KYNU: variants seen among roughly 807,000 people sequenced by gnomAD.
The protein encoded by KYNU is L-kynurenine hydrolase.
KYNU carries 54 observed loss-of-function variants against 59.2 expected under a neutral mutation model. The ratio of observed to expected loss-of-function variants is 0.91; its 90% CI spans 0.73 to 1.14. The LOEUF (loss-of-function observed/expected upper bound fraction) is 1.14, where lower values mean the gene tolerates loss of function less well. Among genes scored for constraint, KYNU ranks in the 50% most tolerant of loss-of-function variants. KYNU has a pLI of 0.00. For missense variants in KYNU, 567 were observed against 554.4 expected, an observed-to-expected ratio of 1.02 and a Z score of -0.23; for synonymous variants, 177 against 192.0, an observed-to-expected ratio of 0.92 and a Z score of 0.65.
chr2:142,961,522 C>CTGA (rs1482030897), intron 8 of KYNU, among the ~76,000 whole-genome samples: 4 of 152,044 alleles, frequency 2.6e-5, no homozygotes, highest in Non-Finnish European at 5.9e-5. Flanking sequence ...TCACTTAATG[C>CTGA]TGAGTATCTA....
intron 4 of KYNU, chr2:142,947,040 AC>A: frequency 6.5e-7 from 1 of 1,546,926 alleles, no homozygotes; most frequent in Non-Finnish European, 8.7e-7. Context: ...GCTGATTCTC[AC>A]CTCACCCTTC....
intron 2 of KYNU, among the ~76,000 whole-genome samples, chr2:142,901,901 C>T (rs80181876): frequency 0.021 from 3,268 of 152,216 alleles, 65 homozygotes; most frequent in African/African-American, 0.055. Context: ...GAAGGTCCCT[C>T]GAGTGGTATA....
chr2:142,979,969 A>T (rs903213807), intron 8 of KYNU, among the ~76,000 whole-genome samples: 1 of 152,144 alleles, frequency 6.6e-6, no homozygotes, highest in Non-Finnish European at 1.5e-5. Flanking sequence ...TAGGCAGAGC[A>T]GCCCCGAGGA....
chr2:142,955,090 CT>C lies in KYNU; in HGVS notation c.435+221del, dbSNP rs1684119412. ...AAGAGCTTTAGAATAATGAACAGTT[CT>C]TGTCTGGGAAAATAAAGAATAAGAG... On this transcript the variant is annotated intron_variant, in intron 5 of 13. Coordinates refer to ENST00000264170, the MANE Select transcript of KYNU (RefSeq NM_003937.3). Among the ~76,000 whole-genome samples, 3 of 151,860 alleles carry C rather than the reference CT, an allele frequency of 2.0e-5. No individual in the cohort carries two copies. The South Asian group carries it at 6.2e-4, about 32-fold the overall frequency.
At chr2:143,002,824 G>C (rs1380328805) in intron 10 of KYNU, among the ~76,000 whole-genome samples, 1 of 152,142 alleles carries the variant, frequency 6.6e-6, no homozygotes, top group Non-Finnish European at 1.5e-5. Flanking sequence ...AACATTATGT[G>C]CATAAAATTT....
chr2:142,880,912 C>A (rs1037427277), intron 1 of KYNU, among the ~76,000 whole-genome samples: 1 of 152,198 alleles, frequency 6.6e-6, no homozygotes. Context: ...TGTTTTTGAT[C>A]TTTCCTATCC....
Position 143,029,669 on chromosome 2 carries a change from G to A in KYNU, c.945G>A (p.Lys315=), listed in dbSNP as rs918011919. Residue 315 remains lysine (K), a synonymous_variant, in exon 11 of 14, where the codon AAG becomes AAA. Transcript: ENST00000264170. The part of the protein sequence containing the change: ...WFGHELSTRF[K]MDNKLQLIPG... ...GCCATGAACTCAGCACCAGATTTAA[G>A]ATGGATAACAGTAAGTGTATTTATT... is the stretch of plus-strand genomic sequence containing the variant. 6.4e-6 allele frequency: 10 copies of A among 1,554,418 alleles called. No homozygotes were observed. Among genetic ancestry groups the A allele is most frequent in the Non-Finnish European group, 8.9e-6 (10 of 1,125,576 alleles).
intron 8 of KYNU, among the ~76,000 whole-genome samples, chr2:142,982,919 A>G (rs1322122516): frequency 1.3e-5 from 2 of 151,950 alleles, no homozygotes; most frequent in Non-Finnish European, 2.9e-5. Context: ...TGTACTCTTT[A>G]AGAGGAATGG....
At position 142,975,368 on chromosome 2, in the gene KYNU, C is replaced by G. The variant is rs193294290; in HGVS notation, c.730-9716C>G. Among the ~76,000 whole-genome samples the G allele has an allele frequency of 1.4e-4, 22 of 152,248 alleles. No homozygotes were observed. In the East Asian group the frequency reaches 4.1e-3, roughly 28 times the overall value. The stretch of plus-strand genomic sequence containing the variant: ...TTCCAGTTCCTCATCCCACTGAGAT[C>G]CCACCTCCATCACTCAATTCACCAT... On this transcript the variant is annotated intron_variant, in intron 8 of 13. Transcript: ENST00000264170.
rs1402408902 is a variant in KYNU at position 143,051,982 on chromosome 2, GC to G, written c.*9811del. The G allele has an allele frequency of 1.3e-5, 2 of 152,578 alleles. No individual in the cohort carries two copies. The highest frequency in any genetic ancestry group is 4.8e-5 in the African/African-American group (2 of 41,564). The allele number at this position is 152,578 out of a possible 1,614,324, so 9.5% of individuals were successfully genotyped here. Reference sequence around the variant, plus strand: ...GAACTCCCTAGAGACTTGTTGAATGGCTTTAACCAAAATGCTGATAATAATA... The same window carrying G: ...GAACTCCCTAGAGACTTGTTGAATGGTTTAACCAAAATGCTGATAATAATA... On this transcript the variant is annotated 3_prime_UTR_variant, in exon 14 of 14. Coordinates refer to ENST00000264170, the MANE Select transcript of KYNU (RefSeq NM_003937.3).
At chr2:142,905,969 T>A (rs1682279256) in intron 2 of KYNU, among the ~76,000 whole-genome samples, 1 of 151,230 alleles carries the variant, frequency 6.6e-6, no homozygotes. Context: ...ACTACTTCTA[T>A]CTTTCTATTT....
At chr2:143,032,071 A>G (rs1382008066) in intron 11 of KYNU, among the ~76,000 whole-genome samples, 2 of 152,046 alleles carry the variant, frequency 1.3e-5, no homozygotes, top group African/African-American at 4.8e-5. Context: ...AGGTCAGGAG[A>G]TCGAGACCAC....
At chr2:142,974,817 T>TA (rs778805452) in intron 8 of KYNU, among the ~76,000 whole-genome samples, 9 of 152,182 alleles carry the variant, frequency 5.9e-5, no homozygotes, top group Non-Finnish European at 1.2e-4. Flanking sequence ...CCAGGGTTTT[T>TA]ATTGAAAGAC....
At chr2:142,912,679 G>A (rs959724432) in intron 2 of KYNU, among the ~76,000 whole-genome samples, 6 of 148,214 alleles carry the variant, frequency 4.0e-5, no homozygotes. Context: ...GCACCCAGCT[G>A]GGATCTTTTG....
chr2:142,949,254 G>T (rs1683905403), intron 4 of KYNU, among the ~76,000 whole-genome samples: 1 of 152,168 alleles, frequency 6.6e-6, no homozygotes, highest in Non-Finnish European at 1.5e-5. Flanking sequence ...GGTGCAAGCT[G>T]TCAGTGGATC....
At chr2:142,991,646 T>C (rs1685401547) in intron 10 of KYNU, among the ~76,000 whole-genome samples, 1 of 151,918 alleles carries the variant, frequency 6.6e-6, no homozygotes, top group African/African-American at 2.4e-5. Flanking sequence ...ACCGTTTTCT[T>C]TTGCTTCTGC....
At chr2:143,038,231 A>T (rs1686941432) in intron 12 of KYNU, among the ~76,000 whole-genome samples, 1 of 152,166 alleles carries the variant, frequency 6.6e-6, no homozygotes, top group Admixed American at 6.6e-5. Context: ...TCCTAGAATT[A>T]TTTATTATTT....
chr2:142,952,845 C>A lies in KYNU; in HGVS notation c.374-1965C>A, dbSNP rs75141067. The stretch of plus-strand genomic sequence containing the variant: ...TCTTTTATTTTCTCCTCACTTTATT[C>A]TTTAAAATGCTTCTCTTTCCACTAA... On this transcript the variant is annotated intron_variant, in intron 4 of 13. Transcript: ENST00000264170. Among the ~76,000 whole-genome samples the A allele has an allele frequency of 1.8e-4, 28 of 152,132 alleles. No homozygotes were observed. In the East Asian group the frequency reaches 2.3e-3, roughly 13 times the overall value.
chr2:143,006,231 T>C (rs1163780509), intron 10 of KYNU, among the ~76,000 whole-genome samples: 3 of 151,854 alleles, frequency 2.0e-5, no homozygotes, highest in African/African-American at 7.3e-5. Flanking sequence ...GGGCGAGGCA[T>C]TGCCTCACCT....
Sources: allele counts gnomAD v4.1 joint callset (sites outside exome capture counted in the v4.1 genomes callset), GRCh38; gene constraint gnomAD v4.1.1; transcripts MANE v1.5; gene names NCBI Gene and HGNC (gene_info 2026-07-23, HGNC 2026-07-21).